The following CRISPLD2 variants were observed in gnomAD, a reference collection of about 807,000 sequenced individuals.
CRISPLD2 encodes cysteine-rich secretory protein LCCL domain-containing 2.
A neutral mutation model predicts 71.1 loss-of-function variants in CRISPLD2; 47 were observed. The ratio of observed to expected loss-of-function variants is 0.66; its 90% CI spans 0.52 to 0.84. CRISPLD2 has a LOEUF of 0.84. Among genes scored for constraint, CRISPLD2 ranks in the 40% least tolerant of loss-of-function variants. The pLI, the probability that CRISPLD2 is intolerant of heterozygous loss-of-function variation, is 0.00. For missense variants in CRISPLD2, 830 were observed against 651.1 expected (o/e 1.27, Z -2.99); for synonymous variants, 317 against 250.1 (o/e 1.27, Z -2.52).
intron 14 of CRISPLD2, among the ~76,000 whole-genome samples, chr16:84,904,035 C>G (rs1162077179): frequency 6.6e-6 from 1 of 152,134 alleles, no homozygotes; most frequent in Non-Finnish European, 1.5e-5. Flanking sequence ...ACCTGGTGGC[C>G]AAGACACAGG....
intron 1 of CRISPLD2, among the ~76,000 whole-genome samples, chr16:84,827,573 T>C (rs1916385108): frequency 6.7e-6 from 1 of 150,008 alleles, no homozygotes; most frequent in Non-Finnish European, 1.5e-5. Flanking sequence ...TTTTTTTTTT[T>C]TTCTTTTTTC....
intron 5 of CRISPLD2, among the ~76,000 whole-genome samples, chr16:84,851,154 C>T (rs1917078853): frequency 6.6e-6 from 1 of 152,192 alleles, no homozygotes; most frequent in Non-Finnish European, 1.5e-5. Flanking sequence ...TCTGCCCTGG[C>T]AGTATGATTA....
chr16:84,898,338 C>T (rs1373501913), intron 14 of CRISPLD2, among the ~76,000 whole-genome samples: 1 of 152,176 alleles, frequency 6.6e-6, no homozygotes, highest in African/African-American at 2.4e-5. Flanking sequence ...CACTCCCATT[C>T]AAGGCCGCAG....
chr16:84,893,909 AG>A (rs2071683822), intron 14 of CRISPLD2, among the ~76,000 whole-genome samples: 1 of 152,168 alleles, frequency 6.6e-6, no homozygotes, highest in Admixed American at 6.5e-5. Context: ...GCCCTTGGCG[AG>A]GGGGCGGTCA....
At chr16:84,899,423 G>A (rs150695521) in intron 14 of CRISPLD2, among the ~76,000 whole-genome samples, 317 of 152,278 alleles carry the variant, frequency 2.1e-3, no homozygotes, top group African/African-American at 7.3e-3. Context: ...AGCCACACTC[G>A]TTATTCATCA....
At chr16:84,842,947 G>C (rs1448198410) in intron 2 of CRISPLD2, among the ~76,000 whole-genome samples, 1 of 152,164 alleles carries the variant, frequency 6.6e-6, no homozygotes, top group African/African-American at 2.4e-5. Flanking sequence ...GTCTGGAGCA[G>C]GCTGGGTTCA....
At chr16:84,855,771 A>C (rs1917222684) in intron 6 of CRISPLD2, among the ~76,000 whole-genome samples, 1 of 152,242 alleles carries the variant, frequency 6.6e-6, no homozygotes, top group South Asian at 2.1e-4. Context: ...GACAATAATA[A>C]GATCATAATT....
intron 1 of CRISPLD2, among the ~76,000 whole-genome samples, chr16:84,821,522 T>TC (rs1313722924): frequency 6.6e-6 from 1 of 152,108 alleles, no homozygotes; most frequent in African/African-American, 2.4e-5. Context: ...TTGCCTAAGA[T>TC]CCCCCAGCTG....
rs554206417 is a variant in CRISPLD2 at position 84,877,557 on chromosome 16, G to A, written c.1229+47G>A. 1.6e-5 allele frequency: 25 copies of A among 1,593,816 alleles called. No individual in the cohort carries two copies. In the South Asian group the frequency reaches 2.3e-4, roughly 15 times the overall value. On this transcript the variant is annotated intron_variant, in intron 12 of 14. Transcript: ENST00000262424. ...ATCTTTTCTATGGAAGATGTTAGAA[G>A]TAGCTTTTTAGGCTGGGTGAGGTGG...
intron 2 of CRISPLD2, chr16:84,842,165 C>A (rs990691860): frequency 6.6e-6 from 1 of 152,300 alleles, no homozygotes; most frequent in Non-Finnish European, 1.5e-5. Flanking sequence ...CAACCCTGCC[C>A]GGGGGCTGTT....
Position 84,906,649 on chromosome 16 carries a change from A to C in CRISPLD2, c.*7A>C. On this transcript the variant is annotated 3_prime_UTR_variant, in exon 15 of 15. Coordinates refer to ENST00000262424, the MANE Select transcript of CRISPLD2 (RefSeq NM_031476.4). ...CTTTGCTGTCAGGCAGTGAATTTCC[A>C]GCACCAGGGGAGAAGGGGCGTCTTC... 1.2e-6 allele frequency: 2 copies of C among 1,614,096 alleles called. No homozygotes were observed. The highest frequency in any genetic ancestry group is 8.5e-7 in the Non-Finnish European group (1 of 1,180,018).
chr16:84,866,755 A>T, intron 6 of CRISPLD2, 142 bp from the exon 7 acceptor site: 1 of 781,762 alleles, frequency 1.3e-6, no homozygotes, highest in South Asian at 1.8e-5. Flanking sequence ...TCTGAAATGT[A>T]ACTTTCTCTT....
Position 84,889,264 on chromosome 16 carries a change from G to C in CRISPLD2, c.1340G>C (p.Gly447Ala), listed in dbSNP as rs2071640046. ...ATCTGCAAGACAGCCGTGCACGCGG[G>C]AGTCATCAGCAACGAGAGTGGGGGT... is the stretch of plus-strand genomic sequence containing the variant. ...SSICKTAVHA[G>A]VISNESGGDV... The change falls in exon 14 of 15, where the codon GGA (glycine) becomes GCA (alanine). Residue 447 changes from glycine to alanine, a missense_variant. Gly to Ala is a moderately conservative substitution (Grantham distance 60). Transcript: ENST00000262424. The C allele has an allele frequency of 8.7e-6, 14 of 1,614,130 alleles. No individual in the cohort carries two copies. The highest frequency in any genetic ancestry group is 1.2e-5 in the Non-Finnish European group (14 of 1,180,022).
intron 1 of CRISPLD2, among the ~76,000 whole-genome samples, chr16:84,827,046 G>A (rs1180041708): frequency 1.3e-5 from 2 of 151,944 alleles, no homozygotes; most frequent in Non-Finnish European, 2.9e-5. Context: ...TCTCTGTACC[G>A]GCAGAGAGAT....
rs1916690401 is a variant in CRISPLD2, at chr16:84,838,676, A to G, written c.181A>G (p.Met61Val). The change falls in exon 2 of 15, where the codon ATG (methionine) becomes GTG (valine). Residue 61 changes from methionine to valine, a missense_variant. Transcript: ENST00000262424. ...IPREDKEEIL[M>V]LHNKLRGQVQ... is the part of the protein sequence containing the mutation. ...CAGGGAGGACAAGGAGGAGATCCTC[A>G]TGCTGCACAACAAGCTTCGGGGCCA... is the stretch of plus-strand genomic sequence containing the variant. 2 of 1,614,206 alleles carry G rather than the reference A, an allele frequency of 1.2e-6. No individual in the cohort carries two copies. Among genetic ancestry groups the G allele is most frequent in the South Asian group, 1.1e-5 (1 of 91,084 alleles).
Position 84,866,314 on chromosome 16 carries a change from A to T in CRISPLD2, c.710-583A>T, listed in dbSNP as rs1422106230. 2.0e-5 allele frequency among the ~76,000 whole-genome samples: 3 copies of T among 151,288 alleles called. No individual in the cohort carries two copies. In the South Asian group the frequency reaches 6.3e-4, roughly 32 times the overall value. On this transcript the variant is annotated intron_variant, in intron 6 of 14. Coordinates refer to ENST00000262424, the MANE Select transcript of CRISPLD2 (RefSeq NM_031476.4). ...AATGGCACAATCTCGGCTCACTGCA[A>T]CCTCCACCTACCGGCTTCAAGCGAT... is the stretch of plus-strand genomic sequence containing the variant.
intron 3 of CRISPLD2, among the ~76,000 whole-genome samples, chr16:84,848,797 A>G (rs1187209903): frequency 1.3e-5 from 2 of 152,206 alleles, no homozygotes; most frequent in African/African-American, 4.8e-5. Context: ...TCTGTGAAAT[A>G]CGGGCTTCAT....
Position 84,873,108 on chromosome 16 carries a change from C to T in CRISPLD2, c.1098C>T (p.Gly366=), listed in dbSNP as rs181184036. The change falls in exon 10 of 15, where the codon GGC becomes GGT. Residue 366 remains glycine (G), a synonymous_variant. Transcript: ENST00000262424. The part of the protein sequence containing the change: ...VPFFVKSERH[G]VQSLSKYKPS... Reference sequence around the variant, plus strand: ...TCTTCGTGAAGTCTGAGAGACACGGCGTGCAGTCCCTCAGGTAACTACTCT... The same window carrying T: ...TCTTCGTGAAGTCTGAGAGACACGGTGTGCAGTCCCTCAGGTAACTACTCT... The T allele has an allele frequency of 6.5e-5, 105 of 1,613,416 alleles. No individual in the cohort carries two copies. The East Asian group carries it at 1.5e-3, about 23-fold the overall frequency.
At chr16:84,886,520 T>C (rs914206674) in intron 13 of CRISPLD2, among the ~76,000 whole-genome samples, 8 of 151,810 alleles carry the variant, frequency 5.3e-5, no homozygotes, top group African/African-American at 1.7e-4. Flanking sequence ...CTCTCTGTTG[T>C]AGTAAAAAAA....
Sources: allele counts gnomAD v4.1 joint callset (sites outside exome capture counted in the v4.1 genomes callset), GRCh38; gene constraint gnomAD v4.1.1; transcripts MANE v1.5; gene names NCBI Gene and HGNC (gene_info 2026-07-23, HGNC 2026-07-21).